Variants in FKRP observed in about 807,000 individuals in gnomAD.
FKRP encodes ribitol 5-phosphate transferase FKRP.
Under a neutral mutation model 30.6 loss-of-function variants are expected in FKRP, and 25 were observed. The ratio of observed to expected loss-of-function variants is 0.82; its 90% confidence interval spans 0.60 to 1.14. FKRP has a LOEUF of 1.14. FKRP is among the 50% of genes most tolerant of loss of function. The probability of loss-of-function intolerance (pLI) is 0.00; values close to 1 mark genes in which losing one functional copy is unlikely to be tolerated. For synonymous variants in FKRP, 358 were observed against 342.5 expected (o/e 1.05, Z -0.50); for missense variants, 771 against 727.8 (o/e 1.06, Z -0.68).
In FKRP at chr19:46,748,751, G is replaced by C. The variant is rs190592996; in HGVS notation, c.-40+86G>C. 1,293 of 152,078 alleles carry C rather than the reference G, an allele frequency of 8.5e-3. 16 individuals carry two copies. Among genetic ancestry groups the C allele is most frequent in the Middle Eastern group, 0.017 (5 of 294 alleles). The allele number at this position is 152,078 out of a possible 1,614,324, so 9.4% of individuals were successfully genotyped here. On this transcript the variant is annotated intron_variant, in intron 3 of 3. Transcript: ENST00000318584. The stretch of plus-strand genomic sequence containing the variant: ...CATGGCTTTTGTCCGTCTTTTTTTT[G>C]TTTGTTTGTTTGTTTTGAGACAGGG...
At position 46,756,381 on chromosome 19, in the gene FKRP, G is replaced by A. The variant is rs1483781400; in HGVS notation, c.931G>A (p.Glu311Lys). The A allele has an allele frequency of 6.4e-7, 1 of 1,564,664 alleles. No individual in the cohort carries two copies. The highest frequency in any genetic ancestry group is 1.2e-5 in the South Asian group (1 of 85,354). The change falls in exon 4 of 4, where the codon GAG (glutamate) becomes AAG (lysine). Residue 311 changes from glutamate to lysine, a missense_variant. Glu to Lys is a moderately conservative substitution (Grantham distance 56, BLOSUM62 1). Transcript: ENST00000318584. This position sits in a 1 kb window ranked among gnomAD's most constrained non-coding sequence, Gnocchi z 6.6. ...CGACACGCCCGCCTACCTCTACGAG[G>A]AGCGCTGGACGCCCCCCTGCTGCCT... Reference protein sequence around the residue: ...VGDTPAYLYEERWTPPCCLRA... With the variant: ...VGDTPAYLYEKRWTPPCCLRA...
At chr19:46,744,787 A>C (rs762641727), upstream of FKRP, among the ~76,000 whole-genome samples, 2 of 151,830 alleles carry the variant, frequency 1.3e-5, no homozygotes, top group Non-Finnish European at 2.9e-5. Flanking sequence ...ACAAGCAGGT[A>C]ATGACAATTT....
At position 46,755,902 on chromosome 19, in the gene FKRP, G is replaced by A. The variant is rs1171700980; in HGVS notation, c.452G>A (p.Gly151Glu). The A allele has an allele frequency of 2.0e-6, 3 of 1,520,070 alleles. No individual in the cohort carries two copies. Among genetic ancestry groups the A allele is most frequent in the East Asian group, 4.9e-5 (2 of 40,460 alleles). The allele number at this position is 1,520,070 out of a possible 1,614,324, so 94.2% of individuals were successfully genotyped here. ...LERMVEALRAGSARLVAAPVA... is the reference protein window; with the variant it reads ...LERMVEALRAESARLVAAPVA... ...CGCATGGTGGAGGCGCTCCGCGCAG[G>A]AAGCGCACGTCTGGTGGCCGCCCCG... Residue 151 changes from glycine to glutamate, a missense_variant, in exon 4 of 4, where the codon GGA (glycine) becomes GAA (glutamate). Physicochemically the swap from Gly to Glu is moderately conservative, Grantham distance 98. Transcript: ENST00000318584.
chr19:46,746,160 C>A, intron 1 of FKRP, 70 bp downstream of exon 1: 2 of 1,526,208 alleles, frequency 1.3e-6, no homozygotes, highest in South Asian at 1.2e-5. Flanking sequence ...TGTAACTCGG[C>A]GCGCTCGGCC....
intron 3 of FKRP, chr19:46,753,902 C>CTA (rs2122587065): frequency 6.6e-6 from 1 of 151,684 alleles, no homozygotes; most frequent in African/African-American, 2.4e-5. Flanking sequence ...GAACCCAGAG[C>CTA]TATACCACCT....
At chr19:46,751,659 G>A (rs985546514) in intron 3 of FKRP, among the ~76,000 whole-genome samples, 10 of 149,456 alleles carry the variant, frequency 6.7e-5, no homozygotes, top group Non-Finnish European at 1.0e-4. Context: ...TCCGCTTCCC[G>A]GGTTCACGCC....
upstream of FKRP, chr19:46,746,036 CCCG>C: frequency 8.1e-7 from 1 of 1,227,566 alleles, no homozygotes; most frequent in Non-Finnish European, 1.0e-6. Context: ...CTCCCGCCCC[CCCG>C]CCGGCCGTCC....
rs2054701553 is a variant in FKRP, at chr19:46,748,059, C to T, written c.-220C>T. 6.6e-6 allele frequency: 1 copy of T among 152,258 alleles called. No individual in the cohort carries two copies. The highest frequency in any genetic ancestry group is 2.1e-4 in the South Asian group (1 of 4,834). 9.4% of individuals were successfully genotyped at this position (152,258 alleles called of 1,614,324 possible). A position where few individuals can be genotyped will look rare whatever the true frequency, so the allele number is the denominator to read the frequency against. ...GCTCAGCTGGGCTGGAACTGCCCTC[C>T]TGGAACTCCCCCAGCCTACAACCTA... On this transcript the variant is annotated 5_prime_UTR_variant, in exon 2 of 4. Transcript: ENST00000318584.
upstream of FKRP, chr19:46,745,845 G>T: frequency 3.5e-6 from 1 of 283,220 alleles, no homozygotes; most frequent in Non-Finnish European, 6.6e-6. Context: ...CCCAGTCCCA[G>T]TCCCACTCCC....
chr19:46,746,125 C>CG (rs1434940973), intron 1 of FKRP, 35 bp downstream of exon 1: 1 of 1,426,178 alleles, frequency 7.0e-7, no homozygotes, highest in East Asian at 3.3e-5. Flanking sequence ...GGTTGGGGGT[C>CG]GGGGGTCCCG....
At chr19:46,746,039 G>C (rs12984041), upstream of FKRP, 454,122 of 891,850 alleles carry the variant, frequency 0.51, 120,562 homozygotes, top group African/African-American at 0.71. Flanking sequence ...CCGCCCCCCC[G>C]CCGGCCGTCC....
chr19:46,746,035 C>T, upstream of FKRP: 1 of 1,223,180 alleles, frequency 8.2e-7, no homozygotes, highest in Non-Finnish European at 1.0e-6. Flanking sequence ...CCTCCCGCCC[C>T]CCCGCCGGCC....
At chr19:46,746,112 C>CCGGGT (rs1568410189) in intron 1 of FKRP, 22 bp downstream of exon 1, 7 of 1,406,368 alleles carry the variant, frequency 5.0e-6, no homozygotes, top group Admixed American at 2.7e-5. Context: ...CCGGGCCGGG[C>CCGGGT]CGGGTTGGGG....
chr19:46,754,752 C>T (rs1433642706), intron 3 of FKRP, among the ~76,000 whole-genome samples: 2 of 150,732 alleles, frequency 1.3e-5, no homozygotes, highest in Admixed American at 6.6e-5. Flanking sequence ...CTTACAGGCA[C>T]CCGCCCTCAC....
chr19:46,747,932 T>G (rs1336162753), intron 1 of FKRP, 95 bp from the exon 2 acceptor site: 1 of 152,222 alleles, frequency 6.6e-6, no homozygotes, highest in Non-Finnish European at 1.5e-5. Context: ...AAGGATTCCC[T>G]GACCTTTCTC....
upstream of FKRP, chr19:46,745,936 C>T: frequency 2.1e-6 from 1 of 482,956 alleles, no homozygotes; most frequent in Non-Finnish European, 3.3e-6. Context: ...ACTCCCACCT[C>T]GGGCCGTCCC....
At position 46,757,534 on chromosome 19, in the gene FKRP, T is replaced by G. The variant is rs1300809609; in HGVS notation, c.*596T>G. 5.6e-6 allele frequency: 1 copy of G among 177,106 alleles called. No individual in the cohort carries two copies. Among genetic ancestry groups the G allele is most frequent in the African/African-American group, 2.4e-5 (1 of 41,536 alleles). 11.0% of individuals were successfully genotyped at this position (177,106 alleles called of 1,614,324 possible). A position where few individuals can be genotyped will look rare whatever the true frequency, so the allele number is the denominator to read the frequency against. ...CCCACTGTGGCTGCCCGGGCGACAG[T>G]ACGCCCAGGGCCTGTGTTCCATAGC... On this transcript the variant is annotated 3_prime_UTR_variant, in exon 4 of 4. Coordinates refer to ENST00000318584, the MANE Select transcript of FKRP (RefSeq NM_024301.5).
At chr19:46,753,194 G>A (rs529176665) in intron 3 of FKRP, among the ~76,000 whole-genome samples, 125 of 150,304 alleles carry the variant, frequency 8.3e-4, no homozygotes, top group African/African-American at 2.8e-3. Flanking sequence ...GGCTGGGCGC[G>A]GTGGCTCACG....
rs2054945551 is a variant in FKRP, at chr19:46,757,139, T to G, written c.*201T>G. The G allele has an allele frequency of 1.4e-6, 1 of 708,740 alleles. No homozygotes were observed. Among genetic ancestry groups the G allele is most frequent in the African/African-American group, 1.8e-5 (1 of 55,956 alleles). The allele number at this position is 708,740 out of a possible 1,614,324, so 43.9% of individuals were successfully genotyped here. A position where few individuals can be genotyped will look rare whatever the true frequency, so the allele number is the denominator to read the frequency against. The stretch of plus-strand genomic sequence containing the variant: ...ACGAGGATGGGAAGCGACCTCCAGA[T>G]TTATCAAATGGTCATGCCCACTGGG... On this transcript the variant is annotated 3_prime_UTR_variant, in exon 4 of 4. Transcript: ENST00000318584.
Sources: allele counts gnomAD v4.1 joint callset (sites outside exome capture counted in the v4.1 genomes callset), GRCh38; gene constraint gnomAD v4.1.1; non-coding constraint Gnocchi (gnomAD v3.1); transcripts MANE v1.5; gene names NCBI Gene and HGNC (gene_info 2026-07-23, HGNC 2026-07-21).